Variants in MARCHF3 observed in about 807,000 individuals in gnomAD.
MARCHF3 encodes the protein membrane associated ring-CH-type finger 3.
In MARCHF3, 13 loss-of-function variants were observed where a neutral mutation model predicts 24.2. That is an observed-to-expected ratio of 0.54 (90% CI 0.35 to 0.85). The LOEUF is 0.85. MARCHF3 is among the 40% of genes least tolerant of loss of function. The pLI, the probability that MARCHF3 is intolerant of heterozygous loss-of-function variation, is 0.01. For synonymous variants in MARCHF3, 144 were observed against 137.3 expected, an observed-to-expected ratio of 1.05 and a Z score of -0.34; for missense variants, 276 against 325.0, an observed-to-expected ratio of 0.85 and a Z score of 1.16.
rs147682825 is a variant in MARCHF3 at position 126,989,307 on chromosome 5, G to GTAC, written c.-57+41040_-57+41042dup. Among the ~76,000 whole-genome samples the GTAC allele has an allele frequency of 5.3e-3, 795 of 149,302 alleles. 3 individuals are homozygous for GTAC. Among genetic ancestry groups the GTAC allele is most frequent in the Middle Eastern group, 0.011 (3 of 272 alleles). Reference sequence around the variant, plus strand: ...AATACTACTACTACTACTACTACTAGTACTACTACTACTACTACTACTACT... The same window carrying GTAC: ...AATACTACTACTACTACTACTACTAGTACTACTACTACTACTACTACTACTACT... On this transcript the variant is annotated intron_variant, in intron 1 of 4. Coordinates refer to ENST00000308660, the MANE Select transcript of MARCHF3 (RefSeq NM_178450.5).
intron 1 of MARCHF3, among the ~76,000 whole-genome samples, chr5:126,935,842 C>T (rs1393799257): frequency 6.6e-6 from 1 of 151,866 alleles, no homozygotes; most frequent in African/African-American, 2.4e-5. Flanking sequence ...AATTCCTGAC[C>T]TCAGGTGATC....
intron 3 of MARCHF3, among the ~76,000 whole-genome samples, chr5:126,900,621 T>G (rs200553384): frequency 0.012 from 2 of 166 alleles, no homozygotes; most frequent in East Asian, 0.5. Context: ...CAGTATTTCA[T>G]TTATAGTAGC....
chr5:126,877,659 A>G (rs1753202919), intron 4 of MARCHF3, among the ~76,000 whole-genome samples: 1 of 152,218 alleles, frequency 6.6e-6, no homozygotes, highest in Non-Finnish European at 1.5e-5. Flanking sequence ...CAGCAGAGTC[A>G]ATATCCCAAC....
At chr5:126,930,194 G>A (rs952799868) in intron 1 of MARCHF3, among the ~76,000 whole-genome samples, 1 of 152,140 alleles carries the variant, frequency 6.6e-6, no homozygotes, top group Non-Finnish European at 1.5e-5. Context: ...CAAGTCAAGG[G>A]CATCATCCCT....
chr5:126,878,432 G>C (rs1753242579), intron 3 of MARCHF3, 38 bp from the exon 4 acceptor site: 1 of 1,573,562 alleles, frequency 6.4e-7, no homozygotes, highest in African/African-American at 1.4e-5. Flanking sequence ...GCAAGGGAGA[G>C]GGTTAAATGC....
intron 1 of MARCHF3, among the ~76,000 whole-genome samples, chr5:126,925,726 C>G (rs562293304): frequency 1.3e-5 from 2 of 152,222 alleles, no homozygotes; most frequent in Non-Finnish European, 2.9e-5. Flanking sequence ...GTTCTGGGCA[C>G]TCGGGAACAA....
At chr5:126,972,503 T>A (rs1356089713) in intron 1 of MARCHF3, among the ~76,000 whole-genome samples, 1 of 152,170 alleles carries the variant, frequency 6.6e-6, no homozygotes, top group Non-Finnish European at 1.5e-5. Context: ...ATTAACAAGA[T>A]ATGATCTTTC....
At chr5:126,892,991 T>C (rs1260269198) in intron 3 of MARCHF3, among the ~76,000 whole-genome samples, 1 of 151,888 alleles carries the variant, frequency 6.6e-6, no homozygotes, top group African/African-American at 2.4e-5. Flanking sequence ...TATTCAGAGA[T>C]TCAACTTCTT....
Position 126,878,353 on chromosome 5 carries a change from C to T in MARCHF3, c.435G>A (p.Leu145=). 2 of 1,614,112 alleles carry T rather than the reference C, an allele frequency of 1.2e-6. No homozygotes were observed. The change falls in exon 4 of 5, where the codon CTG becomes CTA. Residue 145 remains leucine, a synonymous_variant. Transcript: ENST00000308660. ...ACAAGAAGCACACCATGTCGCCAAA[C>T]AGAGTCCGCTTCTCATGCTGGGGGC... ...NPGPQHEKRT[L]FGDMVCFLFI...
chr5:126,955,503 A>T (rs1750408853), intron 1 of MARCHF3, among the ~76,000 whole-genome samples: 1 of 152,140 alleles, frequency 6.6e-6, no homozygotes, highest in South Asian at 2.1e-4. Context: ...TATTTTTGCC[A>T]TTATGAAGGG....
chr5:126,882,947 G>T (rs890976348), intron 3 of MARCHF3, among the ~76,000 whole-genome samples: 51 of 152,206 alleles, frequency 3.4e-4, no homozygotes, highest in African/African-American at 1.2e-3. Flanking sequence ...TAGCTCCAAA[G>T]ACTGTGCCCC....
At chr5:126,986,160 T>C (rs557531092) in intron 1 of MARCHF3, among the ~76,000 whole-genome samples, 3 of 152,318 alleles carry the variant, frequency 2.0e-5, no homozygotes, top group South Asian at 4.1e-4. Context: ...CTGGAGTTTG[T>C]AGCAGTCTTG....
chr5:126,906,438 A>G (rs954406943), intron 3 of MARCHF3, among the ~76,000 whole-genome samples: 1 of 152,174 alleles, frequency 6.6e-6, no homozygotes, highest in Non-Finnish European at 1.5e-5. Flanking sequence ...CTGTGAATCC[A>G]TCTGGTCCTG....
At chr5:126,939,446 T>A (rs1309338272) in intron 1 of MARCHF3, among the ~76,000 whole-genome samples, 2 of 152,244 alleles carry the variant, frequency 1.3e-5, no homozygotes, top group Non-Finnish European at 2.9e-5. Flanking sequence ...CACCTTCTTA[T>A]GTGGGCTGTT....
At chr5:126,925,885 C>T (rs979680451) in intron 1 of MARCHF3, among the ~76,000 whole-genome samples, 6 of 152,206 alleles carry the variant, frequency 3.9e-5, no homozygotes, top group African/African-American at 1.2e-4. Flanking sequence ...CAGCAAATAG[C>T]TACCTGTCCA....
chr5:126,883,506 CG>C (rs1753407932), intron 3 of MARCHF3, among the ~76,000 whole-genome samples: 1 of 152,130 alleles, frequency 6.6e-6, no homozygotes, highest in Admixed American at 6.6e-5. Flanking sequence ...GAAACCCCAC[CG>C]TAATCAGCAC....
At chr5:126,946,582 T>C (rs1337933784) in intron 1 of MARCHF3, among the ~76,000 whole-genome samples, 2 of 152,058 alleles carry the variant, frequency 1.3e-5, no homozygotes. Flanking sequence ...GAAGGGGTCC[T>C]ACCCCACCAG....
chr5:126,959,590 T>TATGCATTATTATGG (rs1254268497), intron 1 of MARCHF3, among the ~76,000 whole-genome samples: 2 of 152,190 alleles, frequency 1.3e-5, no homozygotes, highest in Non-Finnish European at 2.9e-5. Flanking sequence ...GCATCAATCT[T>TATGCATTATTATGG]GGTCCTTTGT....
At chr5:126,986,908 TG>T (rs1487898134) in intron 1 of MARCHF3, among the ~76,000 whole-genome samples, 37 of 152,352 alleles carry the variant, frequency 2.4e-4, no homozygotes, top group African/African-American at 7.5e-4. Flanking sequence ...AACAAATTTC[TG>T]GAGGCCAGGA....
Sources: gnomAD v4.1 joint callset for allele counts (sites outside exome capture counted in the v4.1 genomes callset) on GRCh38, gnomAD v4.1.1 for gene constraint, MANE v1.5 for transcripts, NCBI Gene and HGNC (gene_info 2026-07-23, HGNC 2026-07-21) for gene names.